Variants in RYR2 observed in about 807,000 individuals in gnomAD.
RYR2 encodes ryanodine receptor 2.
RYR2 carries 227 observed loss-of-function variants against 601.1 expected under a neutral mutation model. The ratio of observed to expected loss-of-function variants is 0.38; its 90% CI spans 0.34 to 0.42. The LOEUF (loss-of-function observed/expected upper bound fraction) is 0.42. RYR2 is among the 10% of genes least tolerant of loss of function. The pLI, the probability that RYR2 is intolerant of heterozygous loss-of-function variation, is 1.00. For missense variants in RYR2, 4,646 were observed against 6,156.5 expected (o/e 0.75, Z 8.21); for synonymous variants, 2,223 against 2,175.1 (o/e 1.02, Z -0.61).
rs10925371 is a variant in RYR2 at position 237,335,554 on chromosome 1, G to A, written c.273+4572G>A. On this transcript the variant is annotated intron_variant, in intron 3 of 104. Transcript: ENST00000366574. ...GCTTGTATATTCTGTTGAGGACAGC[G>A]TATTTTAAAATACACGTTGAGTGTC... Among the ~76,000 whole-genome samples the A allele has an allele frequency of 5.2e-3, 793 of 152,284 alleles. 6 individuals are homozygous for A. The highest frequency in any genetic ancestry group is 0.017 in the African/African-American group (687 of 41,568).
intron 1 of RYR2, among the ~76,000 whole-genome samples, chr1:237,059,906 A>T (rs1392292848): frequency 6.6e-6 from 1 of 152,178 alleles, no homozygotes; most frequent in Non-Finnish European, 1.5e-5. Flanking sequence ...CCTGTGTGTC[A>T]GGTGTCTGTA....
At chr1:237,578,714 AGGTGGTGGG>A (rs1673547345) in intron 29 of RYR2, among the ~76,000 whole-genome samples, 1 of 76,404 alleles carries the variant, frequency 1.3e-5, no homozygotes, top group African/African-American at 5.2e-5. Context: ...AGTTTTGATA[AGGTGGTGGG>A]AGTGGGGGCA....
At chr1:237,158,361 A>G (rs975340915) in intron 1 of RYR2, among the ~76,000 whole-genome samples, 1 of 152,200 alleles carries the variant, frequency 6.6e-6, no homozygotes, top group Non-Finnish European at 1.5e-5. Context: ...AAGAGAGAGA[A>G]CAAGATAAGC....
intron 1 of RYR2, among the ~76,000 whole-genome samples, chr1:237,179,445 A>G (rs1678453369): frequency 6.6e-6 from 1 of 151,848 alleles, no homozygotes; most frequent in Non-Finnish European, 1.5e-5. Flanking sequence ...GACTAGGAAT[A>G]CCTTCAGAAG....
intron 38 of RYR2, among the ~76,000 whole-genome samples, chr1:237,621,890 C>G (rs1370871250): frequency 1.3e-5 from 2 of 152,042 alleles, no homozygotes; most frequent in Non-Finnish European, 2.9e-5. Flanking sequence ...GAGGGGCAGA[C>G]AGAGGGATGT....
chr1:237,219,531 C>T lies in RYR2; in HGVS notation c.49-50966C>T, dbSNP rs115085457. The stretch of plus-strand genomic sequence containing the variant: ...ACCAGAGTTTGGTCAAATGCCTGTT[C>T]CTGAAATAATTACTAACAAAGTAAA... On this transcript the variant is annotated intron_variant, in intron 1 of 104. Transcript: ENST00000366574. Among the ~76,000 whole-genome samples, 827 of 152,162 alleles carry T rather than the reference C, an allele frequency of 5.4e-3. 11 individuals are homozygous for T. The highest frequency in any genetic ancestry group is 5.5e-3 in the Non-Finnish European group (372 of 68,006).
At position 237,630,401 on chromosome 1, in the gene RYR2, G is replaced by A. The variant is rs151262848; in HGVS notation, c.6441-1026G>A. On this transcript the variant is annotated intron_variant, in intron 41 of 104. Coordinates refer to ENST00000366574, the MANE Select transcript of RYR2 (RefSeq NM_001035.3). Reference sequence around the variant, plus strand: ...ATAAGTCAGACCCATATTAGCCTTGGGCATCAAGTTTTTTTTCTGACCTAT... The same window carrying A: ...ATAAGTCAGACCCATATTAGCCTTGAGCATCAAGTTTTTTTTCTGACCTAT... Among the ~76,000 whole-genome samples, 999 of 151,930 alleles carry A rather than the reference G, an allele frequency of 6.6e-3. 17 individuals carry two copies. The highest frequency in any genetic ancestry group is 0.023 in the African/African-American group (945 of 41,468).
intron 2 of RYR2, among the ~76,000 whole-genome samples, chr1:237,312,445 C>T (rs1694672830): frequency 6.6e-6 from 1 of 152,188 alleles, no homozygotes; most frequent in Non-Finnish European, 1.5e-5. Flanking sequence ...AGTTAAGTGT[C>T]CCGCACTTGC....
At chr1:237,365,663 A>G (rs554176573) in intron 5 of RYR2, among the ~76,000 whole-genome samples, 1 of 152,350 alleles carries the variant, frequency 6.6e-6, no homozygotes, top group South Asian at 2.1e-4. Flanking sequence ...CTGATAACTT[A>G]TGATTTGGGG....
At chr1:237,712,496 T>G (rs956744347) in intron 71 of RYR2, among the ~76,000 whole-genome samples, 2 of 151,918 alleles carry the variant, frequency 1.3e-5, no homozygotes, top group African/African-American at 4.8e-5. Context: ...TCAGCAAATC[T>G]CCAAGATGTC....
At chr1:237,543,838 C>T (rs756435735) in intron 25 of RYR2, among the ~76,000 whole-genome samples, 2 of 152,102 alleles carry the variant, frequency 1.3e-5, no homozygotes, top group Non-Finnish European at 2.9e-5. Context: ...GGAATACCTG[C>T]TTAGGAAAAA....
chr1:237,675,252 C>T (rs1412942381), intron 60 of RYR2, among the ~76,000 whole-genome samples: 2 of 152,112 alleles, frequency 1.3e-5, no homozygotes, highest in Non-Finnish European at 1.5e-5. Context: ...TTAGCCTTTG[C>T]AGGGAAACAC....
chr1:237,707,393 A>G, intron 68 of RYR2, 124 bp downstream of exon 68: 1 of 539,626 alleles, frequency 1.9e-6, no homozygotes, highest in South Asian at 4.5e-5. Context: ...CAAAAATATT[A>G]GTATTTGTCA....
At chr1:237,413,141 C>T (rs770875302) in intron 10 of RYR2, among the ~76,000 whole-genome samples, 3 of 152,178 alleles carry the variant, frequency 2.0e-5, no homozygotes, top group African/African-American at 4.8e-5. Flanking sequence ...CAACCATTGA[C>T]GCTCTGCACA....
intron 8 of RYR2, among the ~76,000 whole-genome samples, chr1:237,377,700 ATTACT>A (rs1167466079): frequency 3.3e-5 from 5 of 152,204 alleles, no homozygotes; most frequent in Admixed American, 3.3e-4. Context: ...CTTTTAATAA[ATTACT>A]TTATTGATAG....
chr1:237,446,650 T>C (rs1708366156), intron 14 of RYR2, among the ~76,000 whole-genome samples: 1 of 152,146 alleles, frequency 6.6e-6, no homozygotes, highest in Non-Finnish European at 1.5e-5. Context: ...ATACACACTG[T>C]GTGTATATGT....
At chr1:237,499,310 G>A (rs752480804) in intron 20 of RYR2, among the ~76,000 whole-genome samples, 2 of 152,158 alleles carry the variant, frequency 1.3e-5, no homozygotes, top group South Asian at 2.1e-4. Flanking sequence ...GGGAATCCAG[G>A]TCCCAGGTGT....
chr1:237,300,856 A>G (rs2149452451), intron 2 of RYR2, among the ~76,000 whole-genome samples: 1 of 152,222 alleles, frequency 6.6e-6, no homozygotes, highest in South Asian at 2.1e-4. Context: ...ATATCAATGA[A>G]GTCTGTTCAG....
chr1:237,752,996 AAG>A (rs1692660107), intron 80 of RYR2, among the ~76,000 whole-genome samples: 3 of 152,220 alleles, frequency 2.0e-5, no homozygotes, highest in Non-Finnish European at 4.4e-5. Context: ...AAACAAACAA[AAG>A]AACACAAAGT....
Sources: gnomAD v4.1 joint callset for allele counts (sites outside exome capture counted in the v4.1 genomes callset) on GRCh38, gnomAD v4.1.1 for gene constraint, MANE v1.5 for transcripts, NCBI Gene and HGNC (gene_info 2026-07-23, HGNC 2026-07-21) for gene names.